MYBPC1: variants seen among roughly 807,000 people sequenced by gnomAD.
MYBPC1 encodes the protein myosin binding protein C1.
In MYBPC1, 52 loss-of-function variants were observed where a neutral mutation model predicts 147.1. That is an observed-to-expected ratio of 0.35 (90% CI 0.28 to 0.45). The LOEUF (loss-of-function observed/expected upper bound fraction) is 0.45. MYBPC1 is among the 20% of genes least tolerant of loss of function. MYBPC1 has a pLI of 1.00. For synonymous variants in MYBPC1, 477 were observed against 475.9 expected, an observed-to-expected ratio of 1.00 and a Z score of -0.03; for missense variants, 1,228 against 1,440.3, an observed-to-expected ratio of 0.85 and a Z score of 2.39.
chr12:101,608,498 ATAAGCAGAAG>A (rs1447847566), intron 1 of MYBPC1, among the ~76,000 whole-genome samples: 1 of 152,254 alleles, frequency 6.6e-6, no homozygotes, highest in Non-Finnish European at 1.5e-5. Flanking sequence ...TGGCTTTTGA[ATAAGCAGAAG>A]TACAGCAGGA....
intron 18 of MYBPC1, 26 bp from the exon 19 acceptor site, chr12:101,659,646 C>A: frequency 6.2e-7 from 1 of 1,613,652 alleles, no homozygotes; most frequent in Non-Finnish European, 8.5e-7. Context: ...GTAAATCATG[C>A]CACATTTTGT....
chr12:101,624,892 A>T (rs1428858873), intron 3 of MYBPC1, among the ~76,000 whole-genome samples: 3 of 152,080 alleles, frequency 2.0e-5, no homozygotes, highest in African/African-American at 7.2e-5. Context: ...GACCTCAGTG[A>T]TGTGAGCACT....
intron 1 of MYBPC1, among the ~76,000 whole-genome samples, chr12:101,606,203 A>AACACACACACACACAC (rs113061042): frequency 4.4e-4 from 64 of 145,904 alleles, no homozygotes; most frequent in African/African-American, 1.4e-3. Flanking sequence ...TCAAAAAAGA[A>AACACACACACACACAC]ACACACACAC....
intron 3 of MYBPC1, among the ~76,000 whole-genome samples, chr12:101,621,817 TA>T (rs1460475315): frequency 6.6e-6 from 1 of 152,212 alleles, no homozygotes; most frequent in Non-Finnish European, 1.5e-5. Flanking sequence ...TTTATTCAGT[TA>T]CAAGTCTCTC....
At chr12:101,620,033 G>T (rs1031821071) in intron 3 of MYBPC1, among the ~76,000 whole-genome samples, 1 of 152,154 alleles carries the variant, frequency 6.6e-6, no homozygotes, top group Non-Finnish European at 1.5e-5. Context: ...CCAGCACGGG[G>T]TTTTATGATT....
rs1283203677 is a variant in MYBPC1, at chr12:101,651,347, C to G, written c.1480C>G (p.Leu494Val). The G allele has an allele frequency of 6.2e-7, 1 of 1,614,096 alleles. No homozygotes were observed. The highest frequency in any genetic ancestry group is 1.1e-5 in the South Asian group (1 of 91,078). The change falls in exon 16 of 32, where the codon CTA becomes GTA. Residue 494 changes from leucine (L) to valine (V), a missense_variant. Leu to Val is a conservative substitution (Grantham distance 32). This residue lies in a region of MYBPC1 where 1,077 missense variants were observed against 1,314.2 expected (regional missense o/e 0.82). Transcript: ENST00000361466. Reference sequence around the variant, plus strand: ...ACCAGGAAAATGGACTAAAAATGGCCTACCTGTTCAGGAGAGTGACCGTCT... The same window carrying G: ...ACCAGGAAAATGGACTAAAAATGGCGTACCTGTTCAGGAGAGTGACCGTCT... ...NIPGKWTKNGLPVQESDRLKV... is the reference protein window; with the variant it reads ...NIPGKWTKNGVPVQESDRLKV...
downstream of MYBPC1, among the ~76,000 whole-genome samples, chr12:101,687,001 G>A (rs547870213): frequency 1.1e-4 from 17 of 152,142 alleles, no homozygotes; most frequent in Middle Eastern, 6.8e-3. Context: ...GAATAATATT[G>A]TGTGCAATCC....
Position 101,653,246 on chromosome 12 carries a change from A to G in MYBPC1, c.1765A>G (p.Lys589Glu). ...TAAAGCCATGTGGAGCCGGGGAGATAAGGTTTGTTTTATGCTTGCACACAC... is the reference window on the plus strand; with the variant it reads ...TAAAGCCATGTGGAGCCGGGGAGATGAGGTTTGTTTTATGCTTGCACACAC... ...PPKAMWSRGD[K>E]AIMEGSGRIR... The change falls in exon 18 of 32, where the codon AAG (lysine) becomes GAG (glutamate). Residue 589 changes from lysine (K) to glutamate (E), a missense_variant and splice_region_variant. Transcript: ENST00000361466. The G allele has an allele frequency of 1.2e-6, 2 of 1,613,858 alleles. No individual in the cohort carries two copies. The highest frequency in any genetic ancestry group is 1.7e-6 in the Non-Finnish European group (2 of 1,180,006).
intron 12 of MYBPC1, 139 bp from the exon 13 acceptor site, chr12:101,646,624 G>A: frequency 1.0e-6 from 1 of 976,676 alleles, no homozygotes; most frequent in South Asian, 1.4e-5. Context: ...GTGCAACAGA[G>A]CAAGACCCTG....
At chr12:101,631,458 G>T in intron 6 of MYBPC1, 113 bp from the exon 7 acceptor site, 1 of 1,208,218 alleles carries the variant, frequency 8.3e-7, no homozygotes, top group Non-Finnish European at 1.2e-6. Flanking sequence ...CAATTCCGAG[G>T]GCACCAATCA....
At chr12:101,670,474 G>A in intron 24 of MYBPC1, 65 bp downstream of exon 24, 1 of 1,324,798 alleles carries the variant, frequency 7.5e-7, no homozygotes. Context: ...AGTGGGAAGA[G>A]GTACTCTAGC....
intron 3 of MYBPC1, among the ~76,000 whole-genome samples, chr12:101,626,107 AAAAAAT>A (rs1888548818): frequency 6.6e-6 from 1 of 151,122 alleles, no homozygotes; most frequent in Non-Finnish European, 1.5e-5. Context: ...AAAAAAAAAA[AAAAAAT>A]TTATCCTTCT....
intron 18 of MYBPC1, 144 bp from the exon 19 acceptor site, chr12:101,659,528 T>TACACTATATAGTC: frequency 1.2e-6 from 1 of 819,892 alleles, no homozygotes; most frequent in Non-Finnish European, 2.0e-6. Context: ...ACTATATAGT[T>TACACTATATAGTC]ACACTATATA....
intron 19 of MYBPC1, 50 bp from the exon 20 acceptor site, chr12:101,661,108 T>C (rs772367810): frequency 3.4e-5 from 42 of 1,235,956 alleles, no homozygotes; most frequent in Middle Eastern, 2.5e-4. Flanking sequence ...ACTTTTTTTT[T>C]CTACTCCCTC....
chr12:101,606,360 G>T (rs148732107), intron 1 of MYBPC1, among the ~76,000 whole-genome samples: 1 of 152,120 alleles, frequency 6.6e-6, no homozygotes, highest in African/African-American at 2.4e-5. Flanking sequence ...TAATGTCTTA[G>T]CATTACTATT....
chr12:101,630,086 C>T (rs1889576273), intron 6 of MYBPC1, among the ~76,000 whole-genome samples: 1 of 152,176 alleles, frequency 6.6e-6, no homozygotes, highest in Non-Finnish European at 1.5e-5. Flanking sequence ...CATTAATCTG[C>T]TTTGTCTCTC....
intron 1 of MYBPC1, among the ~76,000 whole-genome samples, chr12:101,598,521 C>T (rs979114653): frequency 6.6e-6 from 1 of 152,110 alleles, no homozygotes; most frequent in African/African-American, 2.4e-5. Flanking sequence ...ACCATAAAGC[C>T]TGATTCTTTA....
intron 1 of MYBPC1, among the ~76,000 whole-genome samples, chr12:101,602,060 T>C (rs1207901346): frequency 6.6e-6 from 1 of 152,202 alleles, no homozygotes; most frequent in East Asian, 1.9e-4. Flanking sequence ...TTGTAGAACA[T>C]TCTAGACAGC....
At chr12:101,640,342 T>G (rs10507134) in intron 10 of MYBPC1, among the ~76,000 whole-genome samples, 38,223 of 152,120 alleles carry the variant, frequency 0.25, 5,117 homozygotes, top group Middle Eastern at 0.34. Context: ...GTGACTCTCC[T>G]AGACTTCCTA....
Sources: allele counts gnomAD v4.1 joint callset (sites outside exome capture counted in the v4.1 genomes callset), GRCh38; gene constraint gnomAD v4.1.1; regional missense constraint gnomAD v4.1.1; transcripts MANE v1.5; gene names NCBI Gene and HGNC (gene_info 2026-07-23, HGNC 2026-07-21).